The following LRRC19 variants were observed in gnomAD, a reference collection of about 807,000 sequenced individuals.
The protein encoded by LRRC19 is leucine-rich repeat-containing protein 19.
In LRRC19, 33 loss-of-function variants were observed where a neutral mutation model predicts 33.3. That is an observed-to-expected ratio of 0.99 (90% CI 0.75 to 1.33). LRRC19 has a LOEUF of 1.33. LRRC19 is among the 40% of genes most tolerant of loss of function. LRRC19 has a pLI of 0.00. For missense variants in LRRC19, 463 were observed against 417.3 expected, an observed-to-expected ratio of 1.11 and a Z score of -0.95; for synonymous variants, 184 against 152.3, an observed-to-expected ratio of 1.21 and a Z score of -1.53.
rs753482049 is a variant in LRRC19, at chr9:26,996,328, T to A, written c.767A>T (p.Asn256Ile). The change falls in exon 4 of 5, where the codon AAC (asparagine) becomes ATC (isoleucine). Residue 256 changes from asparagine to isoleucine, a missense_variant. By Grantham distance (149) the Asn-to-Ile change is moderately radical. Coordinates refer to ENST00000380055, the MANE Select transcript of LRRC19 (RefSeq NM_022901.3). Reference sequence around the variant, plus strand: ...TATATTACCTGAATTTCTTGTTAAGTTGTTCGAAGAGCTATTAAATATTGA... The same window carrying A: ...TATATTACCTGAATTTCTTGTTAAGATGTTCGAAGAGCTATTAAATATTGA... ...SNSIFNSSSN[N>I]LTRNSEHEPL... 1 of 1,593,794 alleles carries A rather than the reference T, an allele frequency of 6.3e-7. No individual in the cohort carries two copies. Among genetic ancestry groups the A allele is most frequent in the East Asian group, 2.2e-5 (1 of 44,502 alleles).
At chr9:27,002,459 T>C (rs1414879121) in intron 1 of LRRC19, among the ~76,000 whole-genome samples, 1 of 152,250 alleles carries the variant, frequency 6.6e-6, no homozygotes, top group Non-Finnish European at 1.5e-5. Flanking sequence ...TCCATTTTTA[T>C]TCCTGGATAT....
Position 26,997,962 on chromosome 9 carries a change from T to A in LRRC19, c.361A>T (p.Asn121Tyr). The change falls in exon 3 of 5, where the codon AAT (asparagine) becomes TAT (tyrosine). Residue 121 changes from asparagine (N) to tyrosine (Y), a missense_variant. Coordinates refer to ENST00000380055, the MANE Select transcript of LRRC19 (RefSeq NM_022901.3). Reference protein sequence around the residue: ...VIQQGAFLGLNKLKQLYLCQN... With the variant: ...VIQQGAFLGLYKLKQLYLCQN... Reference sequence around the variant, plus strand: ...CAGAGATATAACTGTTTTAGTTTATTTAAGCCTAAAAATGCACCCTGTTGA... The same window carrying A: ...CAGAGATATAACTGTTTTAGTTTATATAAGCCTAAAAATGCACCCTGTTGA... 1.2e-6 allele frequency: 2 copies of A among 1,613,938 alleles called. No individual in the cohort carries two copies. The highest frequency in any genetic ancestry group is 1.7e-6 in the Non-Finnish European group (2 of 1,179,958).
At chr9:26,996,544 A>G (rs765130960) in intron 3 of LRRC19, 45 bp from the exon 4 acceptor site, 3 of 1,219,644 alleles carry the variant, frequency 2.5e-6, no homozygotes, top group South Asian at 6.2e-5. Context: ...GAAAAATAAT[A>G]GTTAACAACA....
At chr9:27,003,988 A>G (rs766453384) in intron 1 of LRRC19, among the ~76,000 whole-genome samples, 6 of 152,218 alleles carry the variant, frequency 3.9e-5, no homozygotes, top group African/African-American at 7.2e-5. Flanking sequence ...AGTAGGCTGC[A>G]GAGGTGACTG....
chr9:27,001,007 A>G (rs774615377), intron 1 of LRRC19, among the ~76,000 whole-genome samples: 6 of 152,056 alleles, frequency 3.9e-5, no homozygotes, highest in Non-Finnish European at 5.9e-5. Flanking sequence ...CTCTTAATCT[A>G]TATGAGGTCC....
intron 2 of LRRC19, among the ~76,000 whole-genome samples, chr9:26,999,185 G>A (rs553701151): frequency 6.6e-6 from 1 of 152,146 alleles, no homozygotes; most frequent in African/African-American, 2.4e-5. Flanking sequence ...TGGAAAGAAA[G>A]AAATAGTTCT....
chr9:27,001,723 C>A (rs1011543456), intron 1 of LRRC19, among the ~76,000 whole-genome samples: 1 of 152,146 alleles, frequency 6.6e-6, no homozygotes, highest in East Asian at 1.9e-4. Flanking sequence ...TTATTAACCC[C>A]TTTTTAGATG....
rs752831774 is a variant in LRRC19 at position 26,999,598 on chromosome 9, G to T, written c.81+16C>A. 1.2e-5 allele frequency: 19 copies of T among 1,521,204 alleles called. No individual in the cohort carries two copies. Among genetic ancestry groups the T allele is most frequent in the Non-Finnish European group, 1.6e-5 (18 of 1,108,562 alleles). 94.2% of individuals were successfully genotyped at this position (1,521,204 alleles called of 1,614,324 possible). A position where few individuals can be genotyped will look rare whatever the true frequency, so the allele number is the denominator to read the frequency against. The stretch of plus-strand genomic sequence containing the variant: ...CCTTTGAAAATATTTTTACTATTTT[G>T]ATTGTAAAAACTTACTCTTTTAGAA... On this transcript the variant is annotated intron_variant, in intron 2 of 4. Coordinates refer to ENST00000380055, the MANE Select transcript of LRRC19 (RefSeq NM_022901.3).
At position 26,997,897 on chromosome 9, in the gene LRRC19, C is replaced by T; in HGVS notation, c.426G>A (p.Val142=). ...TCAGAAGTTTTAGGCTTCTTAGAGG[C>T]ACAAATACATCAGCATTCAGTTGTT... ...KIEQLNADVF[V]PLRSLKLLNL... The change falls in exon 3 of 5, where the codon GTG becomes GTA. Residue 142 remains valine (V), a synonymous_variant. Coordinates refer to ENST00000380055, the MANE Select transcript of LRRC19 (RefSeq NM_022901.3). 1 of 1,614,106 alleles carries T rather than the reference C, an allele frequency of 6.2e-7. No individual in the cohort carries two copies.
chr9:27,003,869 A>G (rs972119320), intron 1 of LRRC19, among the ~76,000 whole-genome samples: 4 of 152,228 alleles, frequency 2.6e-5, no homozygotes, highest in African/African-American at 9.6e-5. Context: ...ATCATTTACA[A>G]AAGGTAGTTT....
chr9:26,998,060 AAG>A lies in LRRC19; in HGVS notation c.261_262del (p.Leu88ThrfsTer2), dbSNP rs763440676. ...GAGGTTACCAAAACCGTTATTATGTAAGATAGTAACCTTGTTCTCAATCAAAT... is the reference window on the plus strand; with the variant it reads ...GAGGTTACCAAAACCGTTATTATGTAATAGTAACCTTGTTCTCAATCAAAT... On this transcript the variant is annotated frameshift_variant, in exon 3 of 5. Coordinates refer to ENST00000380055, the MANE Select transcript of LRRC19 (RefSeq NM_022901.3). LOFTEE classifies it high-confidence loss of function. 8.7e-6 allele frequency: 14 copies of A among 1,613,180 alleles called. No individual in the cohort carries two copies. The highest frequency in any genetic ancestry group is 1.7e-5 in the Admixed American group (1 of 60,028).
At chr9:26,996,935 G>C (rs564394585) in intron 3 of LRRC19, among the ~76,000 whole-genome samples, 1 of 152,174 alleles carries the variant, frequency 6.6e-6, no homozygotes, top group Non-Finnish European at 1.5e-5. Flanking sequence ...TTCTGGCCGG[G>C]CGCAGAGGCT....
chr9:27,002,587 A>G (rs191078775), intron 1 of LRRC19, among the ~76,000 whole-genome samples: 1 of 152,286 alleles, frequency 6.6e-6, no homozygotes, highest in African/African-American at 2.4e-5. Flanking sequence ...TTTGTTGAAG[A>G]TGAGTTGATG....
Position 26,995,351 on chromosome 9 carries a change from G to T in LRRC19, c.*170C>A. On this transcript the variant is annotated 3_prime_UTR_variant, in exon 5 of 5. Transcript: ENST00000380055. ...CCGAGGAGTGTCAGTTACTGTATTT[G>T]AACCTGCTTGCTCAATATAATGCAA... The T allele has an allele frequency of 1.9e-6, 1 of 539,980 alleles. No individual in the cohort carries two copies. The highest frequency in any genetic ancestry group is 3.3e-6 in the Non-Finnish European group (1 of 302,232). 33.4% of individuals were successfully genotyped at this position (539,980 alleles called of 1,614,324 possible).
intron 2 of LRRC19, 89 bp downstream of exon 2, chr9:26,999,525 T>G (rs1205557674): frequency 2.0e-5 from 19 of 955,496 alleles, no homozygotes; most frequent in Non-Finnish European, 2.8e-5. Flanking sequence ...AGATTTTCTT[T>G]GCTTTCTTAT....
At position 26,993,393 on chromosome 9, in the gene LRRC19, T is replaced by C. The variant is rs1827975784; in HGVS notation, c.*2128A>G. On this transcript the variant is annotated 3_prime_UTR_variant, in exon 5 of 5. Transcript: ENST00000380055. ...GGTTTAAAACAAAGTATAATTGATA[T>C]ATAAAGAAACATTAGCCATAATATA... is the stretch of plus-strand genomic sequence containing the variant. The C allele has an allele frequency of 6.6e-6, 1 of 152,460 alleles. No homozygotes were observed. The highest frequency in any genetic ancestry group is 2.1e-4 in the South Asian group (1 of 4,838). 9.4% of individuals were successfully genotyped at this position (152,460 alleles called of 1,614,324 possible). A position where few individuals can be genotyped will look rare whatever the true frequency, so the allele number is the denominator to read the frequency against.
chr9:26,999,505 TTAG>T (rs1280393310), intron 2 of LRRC19, 106 bp downstream of exon 2: 18 of 756,986 alleles, frequency 2.4e-5, no homozygotes, highest in Non-Finnish European at 3.5e-5. Context: ...ACTCTTAATT[TTAG>T]TAGGTCAGAT....
At chr9:27,002,896 C>G (rs1443570302) in intron 1 of LRRC19, among the ~76,000 whole-genome samples, 2 of 152,016 alleles carry the variant, frequency 1.3e-5, no homozygotes, top group African/African-American at 4.8e-5. Context: ...GATATTTTAG[C>G]AATGTTCTTC....
At chr9:27,001,347 TGTAA>T (rs747367640) in intron 1 of LRRC19, among the ~76,000 whole-genome samples, 29 of 152,054 alleles carry the variant, frequency 1.9e-4, no homozygotes, top group Admixed American at 6.6e-5. Context: ...CAAATGTAAA[TGTAA>T]GTGTTATATT....
Sources: allele counts gnomAD v4.1 joint callset (sites outside exome capture counted in the v4.1 genomes callset), GRCh38; gene constraint gnomAD v4.1.1; transcripts MANE v1.5; gene names NCBI Gene and HGNC (gene_info 2026-07-23, HGNC 2026-07-21).